The following TRPC3 variants were observed in gnomAD, a reference collection of about 807,000 sequenced individuals.
The protein encoded by TRPC3 is transient receptor potential cation channel subfamily C member 3, also known as short transient receptor potential channel 3.
TRPC3 carries 54 observed loss-of-function variants against 90.9 expected under a neutral mutation model. That is an observed-to-expected ratio of 0.59 (90% CI 0.48 to 0.75). The LOEUF is 0.75. Among genes scored for constraint, TRPC3 ranks in the 30% least tolerant of loss-of-function variants. The pLI is 0.00. For missense variants in TRPC3, 918 were observed against 1,194.5 expected (o/e 0.77, Z 3.41); for synonymous variants, 424 against 450.9 (o/e 0.94, Z 0.75).
At chr4:121,950,164 T>C (rs1730656316) in intron 1 of TRPC3, among the ~76,000 whole-genome samples, 1 of 152,134 alleles carries the variant, frequency 6.6e-6, no homozygotes, top group Non-Finnish European at 1.5e-5. Flanking sequence ...TCGGGATGCG[T>C]CGCTCATTTA....
intron 6 of TRPC3, among the ~76,000 whole-genome samples, chr4:121,909,085 A>G (rs186989116): frequency 4.5e-4 from 69 of 152,276 alleles, no homozygotes; most frequent in Admixed American, 2.1e-3. Context: ...ATAAATTTCA[A>G]TAAATAGGTT....
intron 4 of TRPC3, among the ~76,000 whole-genome samples, chr4:121,914,158 C>T (rs1261058169): frequency 6.6e-6 from 1 of 152,132 alleles, no homozygotes; most frequent in Non-Finnish European, 1.5e-5. Flanking sequence ...AAGGTACTAA[C>T]CAAAATGATC....
intron 10 of TRPC3, among the ~76,000 whole-genome samples, chr4:121,894,074 T>C (rs995068035): frequency 7.2e-5 from 11 of 152,192 alleles, no homozygotes; most frequent in Non-Finnish European, 1.0e-4. Flanking sequence ...GACAATTCCA[T>C]GTATTTGTTC....
In TRPC3 at chr4:121,920,086, T is replaced by C. The variant is rs146082193; in HGVS notation, c.1176+4932A>G. ...TAGTGTTTTTGCCTAAAATTTAATT[T>C]TCTTGTACCCATTTTCAGAAAATCA... is the stretch of plus-strand genomic sequence containing the variant. On this transcript the variant is annotated intron_variant, in intron 3 of 11. Coordinates refer to ENST00000379645, the MANE Select transcript of TRPC3 (RefSeq NM_001130698.2). 1.3e-3 allele frequency among the ~76,000 whole-genome samples: 202 copies of C among 152,286 alleles called. 1 individual carries two copies. Among genetic ancestry groups the C allele is most frequent in the African/African-American group, 4.7e-3 (195 of 41,550 alleles).
rs1482245527 is a variant in TRPC3 at position 121,951,855 on chromosome 4, G to C, written c.-175C>G. ...GTCGCGGCCCGCGATCCAGCAGTTA[G>C]AGGCTAGCGCCGAAGCCGAGCTGCC... On this transcript the variant is annotated 5_prime_UTR_variant, in exon 1 of 12. Transcript: ENST00000379645. The surrounding 1 kb of genome is among the most constrained non-coding windows in gnomAD (Gnocchi z 4.4). 1 of 443,330 alleles carries C rather than the reference G, an allele frequency of 2.3e-6. No individual in the cohort carries two copies. The highest frequency in any genetic ancestry group is 2.0e-5 in the African/African-American group (1 of 48,870). 27.5% of individuals were successfully genotyped at this position (443,330 alleles called of 1,614,324 possible). A position where few individuals can be genotyped will look rare whatever the true frequency, so the allele number is the denominator to read the frequency against.
intron 3 of TRPC3, among the ~76,000 whole-genome samples, chr4:121,915,914 A>T (rs886608720): frequency 2.0e-5 from 3 of 152,202 alleles, no homozygotes; most frequent in Non-Finnish European, 4.4e-5. Flanking sequence ...TCAAAAATCA[A>T]CTATGAGTGA....
rs1181655854 is a variant in TRPC3, at chr4:121,876,632, C to T, written c.*3104G>A. ...GTTATCCTAAATTGTACCAAATTTG[C>T]TTTTAATAATCACAACATATCATTT... On this transcript the variant is annotated 3_prime_UTR_variant, in exon 12 of 12. Coordinates refer to ENST00000379645, the MANE Select transcript of TRPC3 (RefSeq NM_001130698.2). 6.6e-6 allele frequency among the ~76,000 whole-genome samples: 1 copy of T among 152,142 alleles called. No individual in the cohort carries two copies. Among genetic ancestry groups the T allele is most frequent in the African/African-American group, 2.4e-5 (1 of 41,440 alleles).
chr4:121,942,575 CA>C (rs1730357472), intron 1 of TRPC3, among the ~76,000 whole-genome samples: 1 of 152,232 alleles, frequency 6.6e-6, no homozygotes, highest in African/African-American at 2.4e-5. Flanking sequence ...TCTCAAAAAA[CA>C]AACAAACAAA....
At chr4:121,900,989 G>A (rs1055157909) in intron 9 of TRPC3, among the ~76,000 whole-genome samples, 1 of 152,276 alleles carries the variant, frequency 6.6e-6, no homozygotes, top group Non-Finnish European at 1.5e-5. Context: ...CCTGTGAACA[G>A]GCTGTATTTT....
intron 5 of TRPC3, among the ~76,000 whole-genome samples, chr4:121,910,942 G>A (rs1729062228): frequency 6.6e-6 from 1 of 152,124 alleles, no homozygotes; most frequent in African/African-American, 2.4e-5. Context: ...ACCCTTAAGT[G>A]AGAGGTCCTA....
intron 6 of TRPC3, 98 bp downstream of exon 6, chr4:121,910,056 C>T: frequency 1.2e-6 from 1 of 869,170 alleles, no homozygotes; most frequent in South Asian, 1.6e-5. Flanking sequence ...ATTCAATACA[C>T]CTCTCATACT....
rs112845151 is a variant in TRPC3, at chr4:121,896,599, C to T, written c.2547+3013G>A. 5.6e-3 allele frequency among the ~76,000 whole-genome samples: 858 copies of T among 152,128 alleles called. 11 individuals are homozygous for T. Among genetic ancestry groups the T allele is most frequent in the African/African-American group, 0.02 (820 of 41,532 alleles). ...ATAAATTAACCAAGGAGATGAAAGA[C>T]CTCTTCAAGGAAAACTACAAAACAC... On this transcript the variant is annotated intron_variant, in intron 10 of 11. Transcript: ENST00000379645.
chr4:121,926,257 G>A (rs1313957808), intron 2 of TRPC3, among the ~76,000 whole-genome samples: 3 of 152,154 alleles, frequency 2.0e-5, no homozygotes, highest in Non-Finnish European at 2.9e-5. Context: ...CTCCGCCTTT[G>A]TTATTGTTCC....
At chr4:121,911,738 T>G (rs1578625621) in intron 5 of TRPC3, 139 bp downstream of exon 5, 1 of 888,632 alleles carries the variant, frequency 1.1e-6, no homozygotes, top group East Asian at 2.7e-5. Flanking sequence ...TATTTGGTTA[T>G]TTTGCTATTT....
chr4:121,884,153 T>C (rs565069466), intron 10 of TRPC3, among the ~76,000 whole-genome samples: 29 of 152,336 alleles, frequency 1.9e-4, no homozygotes, highest in African/African-American at 6.3e-4. Context: ...AGCATAATGT[T>C]GAATGAAAAA....
At chr4:121,907,758 T>C (rs933732203) in intron 6 of TRPC3, among the ~76,000 whole-genome samples, 191 bp from the exon 7 acceptor site, 10 of 152,122 alleles carry the variant, frequency 6.6e-5, no homozygotes, top group Non-Finnish European at 1.5e-4. Flanking sequence ...TATATTACTT[T>C]AGATGGAGGG....
chr4:121,877,914 A>G lies in TRPC3; in HGVS notation c.*1822T>C, dbSNP rs181951799. 4.8e-4 allele frequency among the ~76,000 whole-genome samples: 73 copies of G among 152,192 alleles called. No homozygotes were observed. Among genetic ancestry groups the G allele is most frequent in the South Asian group, 4.3e-3 (21 of 4,828 alleles). ...CCCCAGCTGAATCTGCCACTTTTTC[A>G]TTCAACATTTTTTCCAACCGCAAAG... On this transcript the variant is annotated 3_prime_UTR_variant, in exon 12 of 12. Transcript: ENST00000379645.
In TRPC3 at chr4:121,882,405, G is replaced by A. The variant is rs1727974270; in HGVS notation, c.2572C>T (p.Arg858Trp). Residue 858 changes from arginine to tryptophan, a missense_variant, in exon 11 of 12, where the codon CGG becomes TGG. Around this residue, in one of 4 missense-constraint regions of TRPC3, gnomAD observed 121 missense variants for 135.7 expected, o/e 0.89. Coordinates refer to ENST00000379645, the MANE Select transcript of TRPC3 (RefSeq NM_001130698.2). ...YQQIMKRLIK[R>W]YVLKAQVDKE... ...TCTACTTGTGCTTTCAAAACATACC[G>A]CTTTATAAGTCTTTTCATTATCTGC... is the stretch of plus-strand genomic sequence containing the variant. 2 of 1,609,772 alleles carry A rather than the reference G, an allele frequency of 1.2e-6. No individual in the cohort carries two copies. Among genetic ancestry groups the A allele is most frequent in the Non-Finnish European group, 1.7e-6 (2 of 1,178,300 alleles).
chr4:121,887,742 A>G (rs546237197), intron 10 of TRPC3, among the ~76,000 whole-genome samples: 2 of 152,292 alleles, frequency 1.3e-5, no homozygotes, highest in Admixed American at 6.5e-5. Flanking sequence ...ATAAATTCCT[A>G]TTTCTTAACA....
Sources: allele counts gnomAD v4.1 joint callset (sites outside exome capture counted in the v4.1 genomes callset), GRCh38; gene constraint gnomAD v4.1.1; regional missense constraint gnomAD v4.1.1; non-coding constraint Gnocchi (gnomAD v3.1); transcripts MANE v1.5; gene names NCBI Gene and HGNC (gene_info 2026-07-23, HGNC 2026-07-21).